Variants in TBC1D7 observed in about 807,000 individuals in gnomAD.
The protein encoded by TBC1D7 is TBC1 domain family member 7.
TBC1D7 carries 33 observed loss-of-function variants against 35.3 expected under a neutral mutation model. That is an observed-to-expected ratio of 0.93 (90% CI 0.71 to 1.25). The LOEUF is 1.25. Among genes scored for constraint, TBC1D7 ranks in the 50% most tolerant of loss-of-function variants. The pLI is 0.00. For missense variants in TBC1D7, 362 were observed against 365.3 expected (o/e 0.99, Z 0.07); for synonymous variants, 135 against 129.5 (o/e 1.04, Z -0.29).
chr6:13,317,213 C>T (rs1250061676), intron 4 of TBC1D7, among the ~76,000 whole-genome samples: 1 of 152,112 alleles, frequency 6.6e-6, no homozygotes, highest in Non-Finnish European at 1.5e-5. Flanking sequence ...TTAAGCAGTA[C>T]AAAAGTTAAA....
chr6:13,322,799 T>C (rs1784132787), intron 3 of TBC1D7, among the ~76,000 whole-genome samples: 1 of 152,212 alleles, frequency 6.6e-6, no homozygotes, highest in African/African-American at 2.4e-5. Context: ...ACATCTCGGC[T>C]AATACAGCTT....
intron 5 of TBC1D7, among the ~76,000 whole-genome samples, chr6:13,311,972 T>A (rs1783248731): frequency 6.6e-6 from 1 of 151,622 alleles, no homozygotes; most frequent in Non-Finnish European, 1.5e-5. Context: ...TATTTATATA[T>A]ATATACACAC....
chr6:13,320,995 A>G lies in TBC1D7; in HGVS notation c.294T>C (p.Val98=), dbSNP rs1457509384. Residue 98 remains valine (V), a synonymous_variant, in exon 4 of 8, where the codon GTT becomes GTC. Coordinates refer to ENST00000379300, the MANE Select transcript of TBC1D7 (RefSeq NM_016495.6). ...VLHALKVVRF[V]SDATPQAEVY... ...CTTCAGCCTGAGGTGTGGCATCACT[A>G]ACAAAGCGAACGACTTTCAGGGCAT... The G allele has an allele frequency of 6.2e-7, 1 of 1,614,194 alleles. No homozygotes were observed. The highest frequency in any genetic ancestry group is 8.5e-7 in the Non-Finnish European group (1 of 1,180,016).
intron 5 of TBC1D7, among the ~76,000 whole-genome samples, chr6:13,315,156 C>T (rs1391414551): frequency 6.6e-6 from 1 of 152,100 alleles, no homozygotes; most frequent in Non-Finnish European, 1.5e-5. Flanking sequence ...ATAGTTGACC[C>T]CTGAACAACA....
intron 5 of TBC1D7, among the ~76,000 whole-genome samples, chr6:13,315,946 G>A (rs1783575591): frequency 2.6e-5 from 4 of 152,198 alleles, no homozygotes; most frequent in Admixed American, 2.6e-4. Flanking sequence ...GGCCACAGTT[G>A]TGGCTGGCTT....
rs538494645 is a variant in TBC1D7, at chr6:13,324,835, T to C, written c.193+259A>G. On this transcript the variant is annotated intron_variant, in intron 3 of 7. Coordinates refer to ENST00000379300, the MANE Select transcript of TBC1D7 (RefSeq NM_016495.6). ...GCCTTCCTCCAGGTTACCCAGCTGA[T>C]AGCAAAGCCTAAACCAATTCTCATT... Among the ~76,000 whole-genome samples, 5 of 152,350 alleles carry C rather than the reference T, an allele frequency of 3.3e-5. No homozygotes were observed. In the South Asian group the frequency reaches 8.3e-4, roughly 25 times the overall value.
chr6:13,313,753 G>A (rs1055355288), intron 5 of TBC1D7, among the ~76,000 whole-genome samples: 5 of 152,084 alleles, frequency 3.3e-5, no homozygotes, highest in Admixed American at 1.3e-4. Flanking sequence ...TAGAATTCCA[G>A]GGCCCTACCT....
chr6:13,311,654 G>A (rs1259566157), intron 5 of TBC1D7, among the ~76,000 whole-genome samples: 1 of 152,136 alleles, frequency 6.6e-6, no homozygotes, highest in Admixed American at 6.5e-5. Flanking sequence ...CTACTTGCTA[G>A]GCACTGTAAT....
At chr6:13,310,418 A>G (rs886929703) in intron 5 of TBC1D7, among the ~76,000 whole-genome samples, 2 of 152,086 alleles carry the variant, frequency 1.3e-5, no homozygotes, top group Admixed American at 6.6e-5. Flanking sequence ...TGGGTGGATC[A>G]CTTGAGGTCA....
At position 13,325,187 on chromosome 6, in the gene TBC1D7, G is replaced by A. The variant is rs200922217; in HGVS notation, c.113-13C>T. The A allele has an allele frequency of 2.5e-6, 4 of 1,589,110 alleles. No homozygotes were observed. In the African/African-American group the frequency reaches 4.0e-5, roughly 16 times the overall value. On this transcript the variant is annotated splice_polypyrimidine_tract_variant and intron_variant, in intron 2 of 7. Coordinates refer to ENST00000379300, the MANE Select transcript of TBC1D7 (RefSeq NM_016495.6). ...AGTTTCTCAGTATCTAGAGGAAGAA[G>A]AAAACAATTGTTAGAAGCTTTTCAT... is the stretch of plus-strand genomic sequence containing the variant.
chr6:13,316,853 TC>T lies in TBC1D7; in HGVS notation c.382-146del, dbSNP rs1185852141. On this transcript the variant is annotated intron_variant, in intron 4 of 7. Coordinates refer to ENST00000379300, the MANE Select transcript of TBC1D7 (RefSeq NM_016495.6). ...GTAGGATCAAAAAGCACAGAGTCCCTCCCTGAAGAGGGGAGCAAGGGGGAGA... is the reference window on the plus strand; with the variant it reads ...GTAGGATCAAAAAGCACAGAGTCCCTCCTGAAGAGGGGAGCAAGGGGGAGA... The T allele has an allele frequency of 4.2e-6, 4 of 952,260 alleles. No homozygotes were observed. In the African/African-American group the frequency reaches 6.6e-5, roughly 16 times the overall value. The allele number at this position is 952,260 out of a possible 1,614,324, so 59.0% of individuals were successfully genotyped here.
intron 3 of TBC1D7, among the ~76,000 whole-genome samples, chr6:13,322,501 A>G (rs1005292107): frequency 3.3e-5 from 5 of 152,182 alleles, no homozygotes; most frequent in African/African-American, 1.2e-4. Flanking sequence ...TGAATAAACA[A>G]ATCAACACAC....
intron 3 of TBC1D7, 134 bp from the exon 4 acceptor site, chr6:13,321,229 A>G (rs1784024417): frequency 1.5e-6 from 1 of 684,274 alleles, no homozygotes; most frequent in Non-Finnish European, 2.5e-6. Context: ...TTCAAGTACC[A>G]TGTAGAATCT....
At chr6:13,316,803 G>T in intron 4 of TBC1D7, 95 bp from the exon 5 acceptor site, 2 of 1,440,968 alleles carry the variant, frequency 1.4e-6, no homozygotes, top group Non-Finnish European at 1.9e-6. Flanking sequence ...CCTAAATTTT[G>T]AAAAGGCTAC....
At chr6:13,311,663 A>G (rs1783220769) in intron 5 of TBC1D7, among the ~76,000 whole-genome samples, 1 of 152,204 alleles carries the variant, frequency 6.6e-6, no homozygotes, top group Non-Finnish European at 1.5e-5. Context: ...AGGCACTGTA[A>G]TGCATACACA....
chr6:13,322,179 AG>A (rs1161623460), intron 3 of TBC1D7, among the ~76,000 whole-genome samples: 1 of 152,098 alleles, frequency 6.6e-6, no homozygotes, highest in Non-Finnish European at 1.5e-5. Context: ...ACCTGAGCCT[AG>A]GAAGTCAAGG....
chr6:13,316,946 C>T (rs1173289805), intron 4 of TBC1D7, among the ~76,000 whole-genome samples: 4 of 152,172 alleles, frequency 2.6e-5, no homozygotes, highest in South Asian at 2.1e-4. Context: ...AGTGTACAGA[C>T]ACTCCCCAGC....
intron 5 of TBC1D7, among the ~76,000 whole-genome samples, chr6:13,313,661 A>G (rs2496149): frequency 0.31 from 46,719 of 151,936 alleles, 7,452 homozygotes; most frequent in South Asian, 0.46. Context: ...GCTAGGAGTA[A>G]ATATTTTTTA....
intron 5 of TBC1D7, among the ~76,000 whole-genome samples, chr6:13,311,379 G>A (rs1300273498): frequency 1.3e-5 from 2 of 152,208 alleles, no homozygotes; most frequent in African/African-American, 4.8e-5. Context: ...TAGGAATCAG[G>A]ATAGTATGGC....
Sources: gnomAD v4.1 joint callset for allele counts (sites outside exome capture counted in the v4.1 genomes callset) on GRCh38, gnomAD v4.1.1 for gene constraint, MANE v1.5 for transcripts, NCBI Gene and HGNC (gene_info 2026-07-23, HGNC 2026-07-21) for gene names.